STK17B: variants seen among roughly 807,000 people sequenced by gnomAD.
STK17B encodes the protein serine/threonine kinase 17b.
STK17B carries 21 observed loss-of-function variants against 42.0 expected under a neutral mutation model. The ratio of observed to expected loss-of-function variants is 0.50; its 90% CI spans 0.35 to 0.72. The LOEUF is 0.72. Among genes scored for constraint, STK17B ranks in the 30% least tolerant of loss-of-function variants. The pLI is 0.00. For synonymous variants in STK17B, 143 were observed against 148.4 expected (o/e 0.96, Z 0.26); for missense variants, 349 against 446.0 (o/e 0.78, Z 1.96).
At chr2:196,145,138 A>G (rs1279344255) in intron 4 of STK17B, among the ~76,000 whole-genome samples, 1 of 150,560 alleles carries the variant, frequency 6.6e-6, no homozygotes, top group Non-Finnish European at 1.5e-5. Context: ...CCCCTGCTCC[A>G]TAGTGGGGCC....
intron 2 of STK17B, 36 bp downstream of exon 2, chr2:196,163,226 A>C (rs1003006390): frequency 6.3e-7 from 1 of 1,599,878 alleles, no homozygotes; most frequent in East Asian, 2.3e-5. Context: ...CCAAAATTTG[A>C]ATTTAGATGG....
chr2:196,165,568 T>C (rs574526070), intron 1 of STK17B: 1 of 152,336 alleles, frequency 6.6e-6, no homozygotes, highest in Admixed American at 6.5e-5. Flanking sequence ...TTATCACTAC[T>C]TTGACAATAC....
chr2:196,151,127 C>A (rs1699659886), intron 3 of STK17B: 1 of 152,164 alleles, frequency 6.6e-6, no homozygotes, highest in African/African-American at 2.4e-5. Context: ...GACAAAATTT[C>A]TTGACAAAAA....
chr2:196,141,230 GTAAC>G lies in STK17B; in HGVS notation c.656+15_656+18del, dbSNP rs748610659. The G allele has an allele frequency of 2.6e-5, 42 of 1,592,386 alleles. No homozygotes were observed. The highest frequency in any genetic ancestry group is 3.5e-5 in the Non-Finnish European group (41 of 1,165,152). On this transcript the variant is annotated intron_variant, in intron 6 of 7. Transcript: ENST00000263955. ...CCAACTTTCCATAAAGATGTTTAAGGTAACTAACAACATCTTACCACATATCTGT... is the reference window on the plus strand; with the variant it reads ...CCAACTTTCCATAAAGATGTTTAAGGTAACAACATCTTACCACATATCTGT...
rs1248110367 is a variant in STK17B, at chr2:196,135,675, G to A, written c.*1772C>T. ...CGCCTGTAATCCCAACTACTCAGGA[G>A]GCTGAGACAGGAGAATTGCTTGAAC... On this transcript the variant is annotated 3_prime_UTR_variant, in exon 8 of 8. Transcript: ENST00000263955. The A allele has an allele frequency of 1.3e-5, 2 of 150,490 alleles. No individual in the cohort carries two copies. The highest frequency in any genetic ancestry group is 2.0e-4 in the East Asian group (1 of 4,920). The allele number at this position is 150,490 out of a possible 1,614,324, so 9.3% of individuals were successfully genotyped here. A position where few individuals can be genotyped will look rare whatever the true frequency, so the allele number is the denominator to read the frequency against.
At chr2:196,174,860 G>A (rs2105724364), upstream of STK17B, among the ~76,000 whole-genome samples, 1 of 152,350 alleles carries the variant, frequency 6.6e-6, no homozygotes, top group African/African-American at 2.4e-5. Flanking sequence ...AGTTTTGTCT[G>A]ATGAGAGTAA....
At chr2:196,140,074 C>T (rs749541468) in intron 6 of STK17B, among the ~76,000 whole-genome samples, 6 of 152,144 alleles carry the variant, frequency 3.9e-5, no homozygotes, top group African/African-American at 1.2e-4. Flanking sequence ...AGATACCTGC[C>T]GTGGAGTACA....
At chr2:196,161,053 A>C (rs1699805129) in intron 2 of STK17B, among the ~76,000 whole-genome samples, 1 of 152,222 alleles carries the variant, frequency 6.6e-6, no homozygotes, top group Non-Finnish European at 1.5e-5. Flanking sequence ...AACTCAGAAA[A>C]ATAGAAAAGA....
At chr2:196,142,789 AGAC>A (rs1327908574) in intron 5 of STK17B, among the ~76,000 whole-genome samples, 1 of 152,240 alleles carries the variant, frequency 6.6e-6, no homozygotes, top group Non-Finnish European at 1.5e-5. Flanking sequence ...TTTTTGGAAA[AGAC>A]AGCTGCCTAG....
In STK17B at chr2:196,156,346, C is replaced by T. The variant is rs1003748211; in HGVS notation, c.335+93G>A. On this transcript the variant is annotated intron_variant, in intron 3 of 7. Coordinates refer to ENST00000263955, the MANE Select transcript of STK17B (RefSeq NM_004226.4). The stretch of plus-strand genomic sequence containing the variant: ...TACATTTTATTAACAGGAATCTTTA[C>T]AAGTTCTTGTCACACCTTTATCATT... 3.7e-6 allele frequency: 4 copies of T among 1,078,440 alleles called. No individual in the cohort carries two copies. The African/African-American group carries it at 4.8e-5, about 13-fold the overall frequency. The allele number at this position is 1,078,440 out of a possible 1,614,324, so 66.8% of individuals were successfully genotyped here.
intron 3 of STK17B, among the ~76,000 whole-genome samples, chr2:196,148,879 G>C (rs1699621195): frequency 6.6e-6 from 1 of 152,220 alleles, no homozygotes; most frequent in South Asian, 2.1e-4. Context: ...GGAAGAGACA[G>C]GATAGCATGG....
In STK17B at chr2:196,152,175, C is replaced by T. The variant is rs188043705; in HGVS notation, c.335+4264G>A. On this transcript the variant is annotated intron_variant, in intron 3 of 7. Transcript: ENST00000263955. ...AGCCTGGCGCGTAGTGGTGCGATCT[C>T]AGCTCACTGCAACCTCTGCCTCCCA... is the stretch of plus-strand genomic sequence containing the variant. Among the ~76,000 whole-genome samples the T allele has an allele frequency of 1.4e-3, 207 of 150,652 alleles. 1 individual carries two copies. The highest frequency in any genetic ancestry group is 4.9e-3 in the African/African-American group (201 of 40,912).
intron 5 of STK17B, among the ~76,000 whole-genome samples, chr2:196,141,905 TG>T (rs1699498980): frequency 1.6e-5 from 2 of 125,190 alleles, no homozygotes; most frequent in South Asian, 2.8e-4. Flanking sequence ...AGTAAAACTC[TG>T]GAAGCTAGAA....
At chr2:196,149,717 C>T (rs963354477) in intron 3 of STK17B, among the ~76,000 whole-genome samples, 5 of 152,022 alleles carry the variant, frequency 3.3e-5, no homozygotes, top group South Asian at 2.1e-4. Context: ...AAAGTACATA[C>T]GCACAGACCA....
intron 2 of STK17B, among the ~76,000 whole-genome samples, chr2:196,161,752 G>A (rs1409044351): frequency 4.0e-5 from 6 of 151,624 alleles, no homozygotes; most frequent in South Asian, 2.1e-4. Flanking sequence ...TCCTGACCTC[G>A]TGACCCACCC....
At chr2:196,175,623 GTC>G (rs1699990430), upstream of STK17B, among the ~76,000 whole-genome samples, 1 of 152,172 alleles carries the variant, frequency 6.6e-6, no homozygotes, top group Non-Finnish European at 1.5e-5. Context: ...GCGAGACTCT[GTC>G]TCAAAAATAA....
rs2105665389 is a variant in STK17B, at chr2:196,134,753, A to T, written c.*2694T>A. Reference sequence around the variant, plus strand: ...CTACCCAAAAAGCAAATTTAACTTTAAATTATCACAACATAACACTTATCT... The same window carrying T: ...CTACCCAAAAAGCAAATTTAACTTTTAATTATCACAACATAACACTTATCT... On this transcript the variant is annotated 3_prime_UTR_variant, in exon 8 of 8. Coordinates refer to ENST00000263955, the MANE Select transcript of STK17B (RefSeq NM_004226.4). 1 of 152,352 alleles carries T rather than the reference A, an allele frequency of 6.6e-6. No individual in the cohort carries two copies. Among genetic ancestry groups the T allele is most frequent in the South Asian group, 2.1e-4 (1 of 4,832 alleles). The allele number at this position is 152,352 out of a possible 1,614,324, so 9.4% of individuals were successfully genotyped here. A position where few individuals can be genotyped will look rare whatever the true frequency, so the allele number is the denominator to read the frequency against.
intron 1 of STK17B, among the ~76,000 whole-genome samples, chr2:196,170,274 C>G (rs116052691): frequency 0.011 from 1,739 of 152,282 alleles, 19 homozygotes; most frequent in Non-Finnish European, 0.017. Context: ...GCTGTCTCCG[C>G]GCAGACATTC....
At chr2:196,162,302 T>A (rs1218824319) in intron 2 of STK17B, among the ~76,000 whole-genome samples, 1 of 152,196 alleles carries the variant, frequency 6.6e-6, no homozygotes, top group Non-Finnish European at 1.5e-5. Context: ...AAAGGCTTTT[T>A]ACTTATAAAC....
Sources: allele counts gnomAD v4.1 joint callset (sites outside exome capture counted in the v4.1 genomes callset), GRCh38; gene constraint gnomAD v4.1.1; transcripts MANE v1.5; gene names NCBI Gene and HGNC (gene_info 2026-07-23, HGNC 2026-07-21).